CDK6: variants seen among roughly 807,000 people sequenced by gnomAD.
The protein encoded by CDK6 is cyclin-dependent kinase 6.
A neutral mutation model predicts 37.1 loss-of-function variants in CDK6; 6 were observed. That is an observed-to-expected ratio of 0.16 (90% CI 0.09 to 0.32). The LOEUF (loss-of-function observed/expected upper bound fraction) is 0.32. Among genes scored for constraint, CDK6 ranks in the 10% least tolerant of loss-of-function variants. The pLI is 1.00. For synonymous variants in CDK6, 160 were observed against 161.3 expected (o/e 0.99, Z 0.06); for missense variants, 224 against 418.9 (o/e 0.53, Z 4.06).
Position 92,608,708 on chromosome 7 carries a change from A to G in CDK6, c.*6432T>C. 1 of 230,956 alleles carries G rather than the reference A, an allele frequency of 4.3e-6. No individual in the cohort carries two copies. The highest frequency in any genetic ancestry group is 8.6e-6 in the Non-Finnish European group (1 of 116,600). 14.3% of individuals were successfully genotyped at this position (230,956 alleles called of 1,614,324 possible). On this transcript the variant is annotated 3_prime_UTR_variant, in exon 8 of 8. Transcript: ENST00000424848. ...AGAAGACACCCGTTTGCTACTAGGG[A>G]CATTTTTCTTCCTAAGATTTGCAGA...
intron 3 of CDK6, among the ~76,000 whole-genome samples, chr7:92,766,421 T>C (rs1799582412): frequency 6.6e-6 from 1 of 152,150 alleles, no homozygotes; most frequent in Non-Finnish European, 1.5e-5. Context: ...AACTGGCAGA[T>C]AGGGAAGGCT....
At chr7:92,796,888 G>A (rs748437274) in intron 2 of CDK6, among the ~76,000 whole-genome samples, 4 of 151,946 alleles carry the variant, frequency 2.6e-5, no homozygotes, top group Non-Finnish European at 5.9e-5. Flanking sequence ...TCCATAAGCA[G>A]GACATGAGAC....
At chr7:92,790,099 A>T (rs1800244371) in intron 2 of CDK6, among the ~76,000 whole-genome samples, 1 of 152,118 alleles carries the variant, frequency 6.6e-6, no homozygotes, top group Non-Finnish European at 1.5e-5. Flanking sequence ...CAAACTCCAT[A>T]CCCAGTTATC....
intron 6 of CDK6, among the ~76,000 whole-genome samples, chr7:92,622,815 C>T (rs1795832982): frequency 6.6e-6 from 1 of 152,096 alleles, no homozygotes; most frequent in Non-Finnish European, 1.5e-5. Context: ...AAAAGATCCA[C>T]ACAAGCAACA....
At chr7:92,697,119 T>G (rs909246119) in intron 4 of CDK6, among the ~76,000 whole-genome samples, 2 of 152,198 alleles carry the variant, frequency 1.3e-5, no homozygotes, top group African/African-American at 2.4e-5. Flanking sequence ...TCTTAATAAG[T>G]GCTTCGGAAG....
chr7:92,833,216 T>A lies in CDK6; in HGVS notation c.108A>T (p.Gly36=), dbSNP rs1801538699. 1.2e-6 allele frequency: 2 copies of A among 1,610,402 alleles called. No individual in the cohort carries two copies. Among genetic ancestry groups the A allele is most frequent in the Non-Finnish European group, 8.5e-7 (1 of 1,178,946 alleles). The stretch of plus-strand genomic sequence containing the variant: ...CGCGCTTCAACGCCACGAAACGGCC[T>A]CCGTTCTTCAAGTCGCGGGCCTTGA... ...KVFKARDLKN[G]GRFVALKRVR... is the part of the protein sequence containing the mutation. Residue 36 remains glycine, a synonymous_variant, in exon 2 of 8, where the codon GGA becomes GGT. Transcript: ENST00000424848. The surrounding 1 kb of genome is among the most constrained non-coding windows in gnomAD (Gnocchi z 6.1).
At position 92,725,043 on chromosome 7, in the gene CDK6, T is replaced by C. The variant is rs571278926; in HGVS notation, c.537+583A>G. 3.3e-4 allele frequency: 323 copies of C among 985,450 alleles called. No homozygotes were observed. In the South Asian group the frequency reaches 8.4e-3, roughly 26 times the overall value. 61.0% of individuals were successfully genotyped at this position (985,450 alleles called of 1,614,324 possible). A position where few individuals can be genotyped will look rare whatever the true frequency, so the allele number is the denominator to read the frequency against. ...AAAAGAAACAGGGTATCATAACTGT[T>C]ATTTTTTGCCAAAACAGGGCCGTTG... On this transcript the variant is annotated intron_variant, in intron 4 of 7. Transcript: ENST00000424848.
At chr7:92,831,569 C>T (rs1420688096) in intron 2 of CDK6, among the ~76,000 whole-genome samples, 1 of 152,094 alleles carries the variant, frequency 6.6e-6, no homozygotes, top group African/African-American at 2.4e-5. Context: ...GCCCCAAAAA[C>T]GGATTTTGTT....
chr7:92,716,768 T>A (rs1798237356), intron 4 of CDK6, among the ~76,000 whole-genome samples: 1 of 152,210 alleles, frequency 6.6e-6, no homozygotes, highest in African/African-American at 2.4e-5. Context: ...CCTATGAGTA[T>A]GAATATAACA....
At chr7:92,729,396 G>A (rs896282868) in intron 3 of CDK6, among the ~76,000 whole-genome samples, 3 of 152,026 alleles carry the variant, frequency 2.0e-5, no homozygotes, top group Non-Finnish European at 2.9e-5. Flanking sequence ...TATGTTATAC[G>A]GCACAGTCTG....
intron 2 of CDK6, among the ~76,000 whole-genome samples, chr7:92,783,529 A>C (rs974903163): frequency 2.6e-5 from 4 of 152,194 alleles, no homozygotes; most frequent in Non-Finnish European, 5.9e-5. Context: ...TTCATAAGAA[A>C]GTTTCATTGT....
intron 4 of CDK6, among the ~76,000 whole-genome samples, chr7:92,698,840 A>G (rs1235734509): frequency 1.3e-5 from 2 of 152,178 alleles, no homozygotes; most frequent in African/African-American, 2.4e-5. Flanking sequence ...TTGTGGCCCA[A>G]TGTTATAATA....
chr7:92,658,333 ATTGT>A (rs1056335530), intron 5 of CDK6, among the ~76,000 whole-genome samples: 1 of 152,180 alleles, frequency 6.6e-6, no homozygotes, highest in African/African-American at 2.4e-5. Context: ...TGCAGTAAAT[ATTGT>A]TTGTATTTTT....
chr7:92,735,280 T>C (rs1798758943), intron 3 of CDK6, among the ~76,000 whole-genome samples: 1 of 152,200 alleles, frequency 6.6e-6, no homozygotes, highest in Non-Finnish European at 1.5e-5. Context: ...TTTTGTCAAC[T>C]TTTATTTTAG....
At chr7:92,780,486 C>T (rs750811019) in intron 2 of CDK6, among the ~76,000 whole-genome samples, 9 of 151,942 alleles carry the variant, frequency 5.9e-5, no homozygotes, top group Admixed American at 1.3e-4. Context: ...ATAGGCTGGG[C>T]GCGGTGGCTC....
intron 4 of CDK6, among the ~76,000 whole-genome samples, chr7:92,718,215 G>A (rs1798277501): frequency 1.3e-5 from 2 of 152,186 alleles, no homozygotes. Context: ...AGACCTGGTT[G>A]TGTCATGGCA....
intron 2 of CDK6, among the ~76,000 whole-genome samples, chr7:92,778,924 C>CATAT (rs145888983): frequency 0.035 from 3,853 of 108,954 alleles, 136 homozygotes; most frequent in Middle Eastern, 0.11. Context: ...TATAGTTTAT[C>CATAT]ATATATATAT....
chr7:92,712,115 G>C (rs1482358405), intron 4 of CDK6, among the ~76,000 whole-genome samples: 10 of 151,272 alleles, frequency 6.6e-5, no homozygotes, highest in Admixed American at 6.6e-4. Context: ...AGCCGAGAGA[G>C]CGCCACTGCA....
chr7:92,774,011 G>C (rs980669875), intron 3 of CDK6, among the ~76,000 whole-genome samples: 2 of 152,144 alleles, frequency 1.3e-5, no homozygotes, highest in African/African-American at 4.8e-5. Context: ...CAGTTAAGCA[G>C]AATGCAAATA....
Sources: allele counts gnomAD v4.1 joint callset (sites outside exome capture counted in the v4.1 genomes callset), GRCh38; gene constraint gnomAD v4.1.1; non-coding constraint Gnocchi (gnomAD v3.1); transcripts MANE v1.5; gene names NCBI Gene and HGNC (gene_info 2026-07-23, HGNC 2026-07-21).